Variants in SLC14A2 observed in about 807,000 individuals in gnomAD.
The protein encoded by SLC14A2 is urea transporter 2.
In SLC14A2, 91 loss-of-function variants were observed where a neutral mutation model predicts 104.6. The ratio of observed to expected loss-of-function variants is 0.87; its 90% confidence interval spans 0.73 to 1.04. The LOEUF (loss-of-function observed/expected upper bound fraction) is 1.04. Ranked by LOEUF, SLC14A2 falls within the 50% of genes least tolerant of loss-of-function variation. The probability of loss-of-function intolerance (pLI) is 0.00; values close to 1 mark genes in which losing one functional copy is unlikely to be tolerated. For missense variants in SLC14A2, 1,189 were observed against 1,156.0 expected, an observed-to-expected ratio of 1.03 and a Z score of -0.41; for synonymous variants, 476 against 466.4, an observed-to-expected ratio of 1.02 and a Z score of -0.27.
chr18:45,514,806 A>C (rs1285794458), intron 2 of SLC14A2, among the ~76,000 whole-genome samples: 2 of 152,230 alleles, frequency 1.3e-5, no homozygotes, highest in African/African-American at 2.4e-5. Context: ...AACTACCACA[A>C]ACTCACTTTT....
At chr18:45,341,012 C>T (rs545458670) in intron 1 of SLC14A2, among the ~76,000 whole-genome samples, 1 of 152,308 alleles carries the variant, frequency 6.6e-6, no homozygotes, top group African/African-American at 2.4e-5. Context: ...GAGCCATCCT[C>T]CTGTCATCCA....
intron 1 of SLC14A2, among the ~76,000 whole-genome samples, chr18:45,281,887 C>A (rs2084766344): frequency 6.6e-6 from 1 of 152,214 alleles, no homozygotes; most frequent in Non-Finnish European, 1.5e-5. Flanking sequence ...TTCACCAGAG[C>A]TCAGTGGCTC....
intron 2 of SLC14A2, among the ~76,000 whole-genome samples, chr18:45,575,239 G>A (rs1019390923): frequency 2.4e-4 from 36 of 152,224 alleles, no homozygotes; most frequent in Non-Finnish European, 5.0e-4. Flanking sequence ...GAGCTACAGT[G>A]AGTCTGGATT....
the SLC14A2 span, chr18:45,169,264 T>G: frequency 1.3e-5 from 2 of 152,206 alleles, no homozygotes; most frequent in Admixed American, 1.3e-4. Context: ...GAAGTATAAT[T>G]TTTGCTGAAA....
intron 3 of SLC14A2, 152 bp from the exon 4 acceptor site, chr18:45,626,806 A>ACCCCCCC: frequency 2.7e-6 from 1 of 374,232 alleles, no homozygotes; most frequent in Non-Finnish European, 5.1e-6. Context: ...CCTCCCCTCT[A>ACCCCCCC]CCCCCACCCC....
At chr18:45,399,890 T>C (rs894057848) in intron 1 of SLC14A2, among the ~76,000 whole-genome samples, 1 of 152,102 alleles carries the variant, frequency 6.6e-6, no homozygotes, top group African/African-American at 2.4e-5. Flanking sequence ...CTTCTTTTCT[T>C]CTTCCTCATC....
chr18:45,498,754 A>G (rs1177960442), intron 2 of SLC14A2, among the ~76,000 whole-genome samples: 2 of 152,126 alleles, frequency 1.3e-5, no homozygotes, highest in East Asian at 1.9e-4. Context: ...GAGAGAGAGA[A>G]CTTTCCTTGG....
At chr18:45,261,482 T>A (rs568806684) in intron 1 of SLC14A2, among the ~76,000 whole-genome samples, 1 of 152,010 alleles carries the variant, frequency 6.6e-6, no homozygotes, top group Non-Finnish European at 1.5e-5. Flanking sequence ...TATGTATATA[T>A]GTGCCATGCT....
At chr18:45,581,355 A>T (rs573871405) in intron 2 of SLC14A2, among the ~76,000 whole-genome samples, 1 of 152,298 alleles carries the variant, frequency 6.6e-6, no homozygotes, top group South Asian at 2.1e-4. Context: ...ACCCTCTGGG[A>T]TGTCCAGGCT....
At chr18:45,562,351 C>G (rs898319801) in intron 2 of SLC14A2, among the ~76,000 whole-genome samples, 5 of 152,204 alleles carry the variant, frequency 3.3e-5, no homozygotes, top group Non-Finnish European at 5.9e-5. Context: ...AGAGTGAAAT[C>G]TACATGGATA....
chr18:45,374,063 T>C (rs954047205), intron 1 of SLC14A2, among the ~76,000 whole-genome samples: 4 of 152,238 alleles, frequency 2.6e-5, no homozygotes, highest in African/African-American at 9.6e-5. Flanking sequence ...CTTCTCATTT[T>C]AGTCCTCTTA....
chr18:45,622,225 T>C (rs2144494564), intron 1 of SLC14A2, among the ~76,000 whole-genome samples: 1 of 152,282 alleles, frequency 6.6e-6, no homozygotes, highest in African/African-American at 2.4e-5. Flanking sequence ...TAAGAGGTGA[T>C]GGTGGCTAAC....
At chr18:45,576,417 G>A (rs1192102222) in intron 2 of SLC14A2, among the ~76,000 whole-genome samples, 1 of 151,810 alleles carries the variant, frequency 6.6e-6, no homozygotes, top group Non-Finnish European at 1.5e-5. Flanking sequence ...CTGAGTAGCT[G>A]GGACTACAGG....
intron 1 of SLC14A2, among the ~76,000 whole-genome samples, chr18:45,262,094 G>A (rs550349951): frequency 2.6e-5 from 4 of 152,230 alleles, no homozygotes; most frequent in African/African-American, 9.6e-5. Context: ...TTTAATGATT[G>A]CCATTCTAAC....
At chr18:45,516,455 A>G (rs2043442771) in intron 2 of SLC14A2, among the ~76,000 whole-genome samples, 1 of 152,176 alleles carries the variant, frequency 6.6e-6, no homozygotes, top group African/African-American at 2.4e-5. Flanking sequence ...TCCTAGACAG[A>G]TCTGTGATTT....
rs150513505 is a variant in SLC14A2 at position 45,231,774 on chromosome 18, C to T, written c.-125+18583C>T. ...TTCAGTTATGCTATGCTATGGGGTG[C>T]GTATGAGGAATTTGGTAGTTCATTC... On this transcript the variant is annotated intron_variant, in intron 1 of 20. Coordinates refer to the SLC14A2 transcript ENST00000586448. Among the ~76,000 whole-genome samples, 578 of 152,194 alleles carry T rather than the reference C, an allele frequency of 3.8e-3. 6 individuals are homozygous for T. The highest frequency in any genetic ancestry group is 0.013 in the African/African-American group (536 of 41,518).
At chr18:45,201,119 A>G in the SLC14A2 span, among the ~76,000 whole-genome samples, 10 of 152,018 alleles carry the variant, frequency 6.6e-5, no homozygotes, top group African/African-American at 2.4e-4. Flanking sequence ...GAGTGGTGTT[A>G]TGGTTTTTTA....
chr18:45,617,022 C>T (rs945970026), intron 1 of SLC14A2, among the ~76,000 whole-genome samples: 21 of 152,054 alleles, frequency 1.4e-4, no homozygotes, highest in Non-Finnish European at 2.9e-4. Flanking sequence ...TGCTTGAACC[C>T]GGGAGGTGGA....
intron 1 of SLC14A2, among the ~76,000 whole-genome samples, chr18:45,324,319 C>T (rs1407504649): frequency 6.6e-6 from 1 of 152,152 alleles, no homozygotes; most frequent in Non-Finnish European, 1.5e-5. Flanking sequence ...CAGCTTTGAT[C>T]CAAGTTTCTT....
Sources: gnomAD v4.1 joint callset for allele counts (sites outside exome capture counted in the v4.1 genomes callset) on GRCh38, gnomAD v4.1.1 for gene constraint, MANE v1.5 for transcripts, NCBI Gene and HGNC (gene_info 2026-07-23, HGNC 2026-07-21) for gene names.